Variants in PHKA2 observed in about 807,000 individuals in gnomAD.
PHKA2 encodes the protein phosphorylase kinase regulatory subunit alpha 2, also known as phosphorylase b kinase regulatory subunit alpha, liver isoform.
PHKA2 carries 31 observed loss-of-function variants against 102.0 expected under a neutral mutation model. The observed-to-expected ratio is 0.30, with a 90% CI of 0.23 to 0.41. The LOEUF (loss-of-function observed/expected upper bound fraction) is 0.41, where lower values mean the gene tolerates loss of function less well. Ranked by LOEUF, PHKA2 falls within the 10% of genes least tolerant of loss-of-function variation. The probability of loss-of-function intolerance (pLI) is 1.00; values close to 1 mark genes in which losing one functional copy is unlikely to be tolerated. For synonymous variants in PHKA2, 455 were observed against 416.2 expected, an observed-to-expected ratio of 1.09 and a Z score of -1.13; for missense variants, 858 against 1,023.1, an observed-to-expected ratio of 0.84 and a Z score of 2.20.
intron 3 of PHKA2, among the ~76,000 whole-genome samples, chrX:18,952,181 T>C (rs765822395): frequency 1.5e-5 from 1 of 67,560 alleles, no homozygotes; most frequent in African/African-American, 6.2e-5. Context: ...AGATATTGTA[T>C]CTACAAAAAA....
rs2048317673 is a variant in PHKA2, at chrX:18,931,703, T to A, written c.1183A>T (p.Met395Leu). 8.3e-7 allele frequency: 1 copy of A among 1,202,586 alleles called. No individual in the cohort carries two copies. The highest frequency in any genetic ancestry group is 2.2e-5 in the Admixed American group (1 of 45,757). The change falls in exon 12 of 33, where the codon ATG (methionine) becomes TTG (leucine). Residue 395 changes from methionine (M) to leucine (L), a missense_variant. Transcript: ENST00000379942. ...KNPHTVDRVP[M>L]GKVPHLWGQS... is the part of the protein sequence containing the mutation. The stretch of plus-strand genomic sequence containing the variant: ...CCCCACAGATGAGGCACCTTCCCCA[T>A]AGGAACTCGGTCTACTGTGTGAGGA...
chrX:18,949,979 G>A lies in PHKA2; in HGVS notation c.454+1125C>T, dbSNP rs192268122. 5.8e-3 allele frequency among the ~76,000 whole-genome samples: 656 copies of A among 112,433 alleles called. 4 individuals are homozygous for A. Among genetic ancestry groups the A allele is most frequent in the African/African-American group, 0.02 (620 of 30,944 alleles). On this transcript the variant is annotated intron_variant, in intron 4 of 32. Transcript: ENST00000379942. Reference sequence around the variant, plus strand: ...TCAGACACATCAGTTGACTGGACTGGTAGGTGATAAGAACTCCCAGACATA... The same window carrying A: ...TCAGACACATCAGTTGACTGGACTGATAGGTGATAAGAACTCCCAGACATA...
intron 1 of PHKA2, among the ~76,000 whole-genome samples, chrX:18,955,701 G>A (rs997748909): frequency 8.9e-6 from 1 of 111,776 alleles, no homozygotes; most frequent in African/African-American, 3.3e-5. Context: ...ATTTACAAGA[G>A]AGCTCATGAA....
At chrX:18,900,762 T>C in intron 27 of PHKA2, 63 bp from the exon 28 acceptor site, 1 of 1,004,833 alleles carries the variant, frequency 1.0e-6, no homozygotes, top group Non-Finnish European at 1.4e-6. Flanking sequence ...GTGCTTCTTC[T>C]ATTGCCCTCT....
intron 11 of PHKA2, among the ~76,000 whole-genome samples, chrX:18,934,693 A>G (rs1262523726): frequency 8.9e-6 from 1 of 112,722 alleles, no homozygotes; most frequent in Non-Finnish European, 1.9e-5. Context: ...CTTTTTTGCC[A>G]TAAGGATCAA....
At chrX:18,929,045 G>T in intron 13 of PHKA2, among the ~76,000 whole-genome samples, 183 bp downstream of exon 13, 1 of 112,708 alleles carries the variant, frequency 8.9e-6, no homozygotes, top group South Asian at 3.6e-4. Flanking sequence ...TTTGTGGTTG[G>T]GAAGAATTCT....
chrX:18,959,432 G>GA (rs2048834345), intron 1 of PHKA2, among the ~76,000 whole-genome samples: 1 of 111,300 alleles, frequency 9.0e-6, no homozygotes. Context: ...ATTTTTACTA[G>GA]AAAAAAACAC....
intron 5 of PHKA2, among the ~76,000 whole-genome samples, chrX:18,946,179 C>A (rs570090980): frequency 9.0e-6 from 1 of 111,071 alleles, no homozygotes; most frequent in South Asian, 3.8e-4. Context: ...CCACCTGTCC[C>A]AGCCTCCCAA....
chrX:18,915,548 T>TC lies in PHKA2; in HGVS notation c.2137+3132_2137+3133insG, dbSNP rs1294466382. ...CACCACGCCTGGCTAATCTTTTTTTTTTTTTTTTTTGTACAGACAGTGTCT... is the reference window on the plus strand; with the variant it reads ...CACCACGCCTGGCTAATCTTTTTTTTCTTTTTTTTTTGTACAGACAGTGTCT... On this transcript the variant is annotated intron_variant, in intron 19 of 32. Coordinates refer to ENST00000379942, the MANE Select transcript of PHKA2 (RefSeq NM_000292.3). The TC allele has an allele frequency of 5.9e-5, 6 of 101,746 alleles. No individual in the cohort carries two copies. The East Asian group carries it at 1.9e-3, about 32-fold the overall frequency. The allele number at this position is 101,746 out of a possible 1,213,427, so 8.4% of individuals were successfully genotyped here.
chrX:18,982,733 C>T lies in PHKA2; in HGVS notation c.78+1122G>A, dbSNP rs1363543948. 2.7e-5 allele frequency among the ~76,000 whole-genome samples: 3 copies of T among 111,741 alleles called. No individual in the cohort carries two copies. The Admixed American group carries it at 2.8e-4, about 11-fold the overall frequency. Reference sequence around the variant, plus strand: ...CCTGTAGTCCCAGCTACTCGGGAGGCTGAGGCAGGATAATCGCTTGAACCC... The same window carrying T: ...CCTGTAGTCCCAGCTACTCGGGAGGTTGAGGCAGGATAATCGCTTGAACCC... On this transcript the variant is annotated intron_variant, in intron 1 of 32. Coordinates refer to ENST00000379942, the MANE Select transcript of PHKA2 (RefSeq NM_000292.3).
intron 30 of PHKA2, among the ~76,000 whole-genome samples, chrX:18,896,875 C>A (rs1379648735): frequency 8.9e-6 from 1 of 112,067 alleles, no homozygotes; most frequent in Non-Finnish European, 1.9e-5. Flanking sequence ...GATCTGCCTC[C>A]CACGGGATGT....
At chrX:18,896,373 G>A (rs1462083956) in intron 30 of PHKA2, 1 of 112,005 alleles carries the variant, frequency 8.9e-6, no homozygotes, top group East Asian at 2.8e-4. Flanking sequence ...AGGTGCTCCT[G>A]TGCTCAGGTA....
At chrX:18,939,001 T>C (rs1020788818) in intron 9 of PHKA2, among the ~76,000 whole-genome samples, 1 of 111,870 alleles carries the variant, frequency 8.9e-6, no homozygotes, top group Non-Finnish European at 1.9e-5. Context: ...AACAAAGAAA[T>C]AGCAATATGT....
At chrX:18,923,131 C>A (rs958134684) in intron 17 of PHKA2, among the ~76,000 whole-genome samples, 18 of 105,104 alleles carry the variant, frequency 1.7e-4, no homozygotes, top group Non-Finnish European at 3.3e-4. Flanking sequence ...CTCACTGCAG[C>A]CTCTACCTCC....
chrX:18,974,774 C>G (rs1380961194), intron 1 of PHKA2, among the ~76,000 whole-genome samples: 1 of 110,956 alleles, frequency 9.0e-6, no homozygotes, highest in African/African-American at 3.3e-5. Flanking sequence ...CCCTTATGAC[C>G]TAATCATCTC....
At position 18,972,987 on chromosome X, in the gene PHKA2, T is replaced by C. The variant is rs753990645; in HGVS notation, c.78+10868A>G. On this transcript the variant is annotated intron_variant, in intron 1 of 32. Transcript: ENST00000379942. ...CCTTTATCAAGATAATAAAATTCCA[T>C]TGTATGCCTCATTGTCTAAGAGGTG... Among the ~76,000 whole-genome samples, 10 of 112,273 alleles carry C rather than the reference T, an allele frequency of 8.9e-5. No individual in the cohort carries two copies. The South Asian group carries it at 2.6e-3, about 29-fold the overall frequency.
Position 18,982,309 on chromosome X carries a change from T to G in PHKA2, c.78+1546A>C, listed in dbSNP as rs1303385016. On this transcript the variant is annotated intron_variant, in intron 1 of 32. Transcript: ENST00000379942. ...TTTTCGTAAGTTTGCAGCAAGCTCT[T>G]TTGGTGGCAAAAGATGAGCCGAACT... Among the ~76,000 whole-genome samples, 2 of 111,997 alleles carry G rather than the reference T, an allele frequency of 1.8e-5. 1 individual carries two copies. The highest frequency in any genetic ancestry group is 1.9e-4 in the Admixed American group (2 of 10,555).
chrX:18,975,600 A>G (rs1332436579), intron 1 of PHKA2, among the ~76,000 whole-genome samples: 1 of 112,407 alleles, frequency 8.9e-6, no homozygotes, highest in South Asian at 3.7e-4. Flanking sequence ...ATTGCAGTAA[A>G]TGGTAATTCC....
intron 26 of PHKA2, among the ~76,000 whole-genome samples, chrX:18,905,105 C>T (rs1235362226): frequency 5.4e-5 from 6 of 111,858 alleles, no homozygotes; most frequent in African/African-American, 1.9e-4. Context: ...TTACCCAAAC[C>T]AAAGGGCAGG....
Sources: allele counts gnomAD v4.1 joint callset (sites outside exome capture counted in the v4.1 genomes callset), GRCh38; gene constraint gnomAD v4.1.1; transcripts MANE v1.5; gene names NCBI Gene and HGNC (gene_info 2026-07-23, HGNC 2026-07-21).